GPHN: variants seen among roughly 807,000 people sequenced by gnomAD.
The protein encoded by GPHN is gephyrin.
In GPHN, 17 loss-of-function variants were observed where a neutral mutation model predicts 95.5. That is an observed-to-expected ratio of 0.18 (90% CI 0.12 to 0.27). The LOEUF is 0.27. GPHN is among the 10% of genes least tolerant of loss of function. GPHN has a pLI of 1.00. For synonymous variants in GPHN, 320 were observed against 322.5 expected (o/e 0.99, Z 0.08); for missense variants, 660 against 978.1 (o/e 0.67, Z 4.34).
chr14:67,424,802 A>G, the GPHN span, among the ~76,000 whole-genome samples: 1 of 152,120 alleles, frequency 6.6e-6, no homozygotes, highest in South Asian at 2.1e-4. Flanking sequence ...CCTTCAGATC[A>G]GCACAGACAT....
the GPHN span, among the ~76,000 whole-genome samples, chr14:67,225,962 T>TGTGTGTGTGTGTGTGCGC: frequency 5.3e-5 from 6 of 113,490 alleles, no homozygotes; most frequent in Non-Finnish European, 9.6e-5. Flanking sequence ...TGTGTGTGTG[T>TGTGTGTGTGTGTGTGCGC]GCGCGCGCGC....
At chr14:67,633,764 A>G in the GPHN span, among the ~76,000 whole-genome samples, 63 of 152,082 alleles carry the variant, frequency 4.1e-4, no homozygotes, top group Non-Finnish European at 7.2e-4. Flanking sequence ...CTCTAGGTGC[A>G]CTCTGGGTTC....
chr14:66,793,766 C>T (rs552384970), intron 3 of GPHN, among the ~76,000 whole-genome samples: 14 of 151,568 alleles, frequency 9.2e-5, no homozygotes, highest in East Asian at 7.7e-4. Flanking sequence ...CCTAGAGCAA[C>T]GATTAAGAAT....
intron 3 of GPHN, among the ~76,000 whole-genome samples, chr14:66,813,453 G>A (rs2060840319): frequency 6.6e-6 from 1 of 152,176 alleles, no homozygotes; most frequent in Non-Finnish European, 1.5e-5. Flanking sequence ...TGTGCACCAG[G>A]ACTCATTTTT....
At chr14:67,436,032 C>T in the GPHN span, among the ~76,000 whole-genome samples, 2 of 152,240 alleles carry the variant, frequency 1.3e-5, no homozygotes, top group Non-Finnish European at 2.9e-5. Flanking sequence ...CTCTGGCTCC[C>T]AGAGGGCTTA....
At chr14:67,373,074 C>T in the GPHN span, among the ~76,000 whole-genome samples, 2 of 152,116 alleles carry the variant, frequency 1.3e-5, no homozygotes, top group African/African-American at 4.8e-5. Context: ...TCTAACTGCT[C>T]CACATTGCTC....
the GPHN span, chr14:67,335,030 T>C: frequency 1.3e-5 from 2 of 152,182 alleles, no homozygotes; most frequent in Non-Finnish European, 2.9e-5. Flanking sequence ...ACTAGGGCCA[T>C]GTGCTGTCAA....
chr14:66,664,598 C>G (rs1203112826), intron 1 of GPHN, among the ~76,000 whole-genome samples: 1 of 151,704 alleles, frequency 6.6e-6, no homozygotes, highest in African/African-American at 2.4e-5. Context: ...CAAACAAATC[C>G]CAAAGCTAGA....
chr14:67,345,880 A>C, the GPHN span: 8 of 1,568,930 alleles, frequency 5.1e-6, no homozygotes, highest in East Asian at 1.6e-4. Flanking sequence ...ACCTGAAAGG[A>C]CCAGTCAGAC....
At chr14:67,376,908 G>A in the GPHN span, among the ~76,000 whole-genome samples, 4 of 152,052 alleles carry the variant, frequency 2.6e-5, no homozygotes, top group African/African-American at 9.7e-5. Flanking sequence ...ACTCTCCTTT[G>A]ACTTTCAGCC....
chr14:67,705,449 T>C, the GPHN span, among the ~76,000 whole-genome samples: 1 of 152,242 alleles, frequency 6.6e-6, no homozygotes, highest in Non-Finnish European at 1.5e-5. Context: ...TCAGAAATGC[T>C]ATGTAAGCCA....
chr14:66,587,724 G>A (rs573982598), intron 1 of GPHN, among the ~76,000 whole-genome samples: 6 of 152,330 alleles, frequency 3.9e-5, no homozygotes, highest in Admixed American at 3.9e-4. Context: ...ATAAAGAACT[G>A]TAGGAGAGCA....
chr14:67,709,563 G>C, the GPHN span, among the ~76,000 whole-genome samples: 2 of 152,146 alleles, frequency 1.3e-5, no homozygotes, highest in African/African-American at 2.4e-5. Flanking sequence ...AACAGAACTT[G>C]TTTTATCTCT....
At chr14:67,063,483 C>T (rs962969533) in intron 11 of GPHN, among the ~76,000 whole-genome samples, 1 of 152,088 alleles carries the variant, frequency 6.6e-6, no homozygotes, top group African/African-American at 2.4e-5. Flanking sequence ...TCATTGGTAG[C>T]TTGATGGGGT....
chr14:67,624,302 G>A, the GPHN span, among the ~76,000 whole-genome samples: 1 of 152,178 alleles, frequency 6.6e-6, no homozygotes, highest in African/African-American at 2.4e-5. Context: ...ACTGTATAGT[G>A]ACACCATTGA....
At chr14:67,078,104 A>G (rs566846261) in intron 11 of GPHN, among the ~76,000 whole-genome samples, 4 of 152,300 alleles carry the variant, frequency 2.6e-5, no homozygotes, top group African/African-American at 9.6e-5. Context: ...TAGTCAGACC[A>G]TGAAAGCAGG....
intron 18 of GPHN, among the ~76,000 whole-genome samples, chr14:67,154,677 A>G (rs1282468009): frequency 1.3e-5 from 2 of 152,156 alleles, no homozygotes; most frequent in East Asian, 3.8e-4. Flanking sequence ...TTAACAAAGG[A>G]TACATATCAG....
At chr14:66,787,990 T>G (rs1217317046) in intron 3 of GPHN, among the ~76,000 whole-genome samples, 1 of 152,000 alleles carries the variant, frequency 6.6e-6, no homozygotes, top group Admixed American at 6.6e-5. Flanking sequence ...TTTCACAAAC[T>G]TGAGCTCATC....
chr14:66,858,574 G>A (rs2062892562), intron 4 of GPHN, among the ~76,000 whole-genome samples: 1 of 151,912 alleles, frequency 6.6e-6, no homozygotes, highest in South Asian at 2.1e-4. Context: ...CTGGCTTCAG[G>A]TGAGACCCAG....
Sources: gnomAD v4.1 joint callset for allele counts (sites outside exome capture counted in the v4.1 genomes callset) on GRCh38, gnomAD v4.1.1 for gene constraint, MANE v1.5 for transcripts, NCBI Gene and HGNC (gene_info 2026-07-23, HGNC 2026-07-21) for gene names.